Variants in SLC37A3 observed in about 807,000 individuals in gnomAD.
SLC37A3 encodes sugar phosphate exchanger 3.
In SLC37A3, 51 loss-of-function variants were observed where a neutral mutation model predicts 67.1. That is an observed-to-expected ratio of 0.76 (90% CI 0.61 to 0.96). SLC37A3 has a LOEUF of 0.96. Ranked by LOEUF, SLC37A3 falls within the 40% of genes least tolerant of loss-of-function variation. The pLI, the probability that SLC37A3 is intolerant of heterozygous loss-of-function variation, is 0.00. For missense variants in SLC37A3, 508 were observed against 603.0 expected, an observed-to-expected ratio of 0.84 and a Z score of 1.65; for synonymous variants, 214 against 231.4, an observed-to-expected ratio of 0.92 and a Z score of 0.68.
In SLC37A3 at chr7:140,343,544, A is replaced by G; in HGVS notation, c.1194T>C (p.Pro398=). ...MTVTGFFIGG[P]SNMISSAISA... is the part of the protein sequence containing the mutation. ...AAATAGCAGAACTAATCATATTAGAAGGTCCACCAATAAAAAATCCTGAAG... is the reference window on the plus strand; with the variant it reads ...AAATAGCAGAACTAATCATATTAGAGGGTCCACCAATAAAAAATCCTGAAG... The change falls in exon 13 of 15, where the codon CCT becomes CCC. Residue 398 remains proline (P), a synonymous_variant. Coordinates refer to ENST00000326232, the MANE Select transcript of SLC37A3 (RefSeq NM_207113.3). 3 of 1,614,198 alleles carry G rather than the reference A, an allele frequency of 1.9e-6. No homozygotes were observed. Among genetic ancestry groups the G allele is most frequent in the Non-Finnish European group, 2.5e-6 (3 of 1,180,036 alleles).
chr7:140,335,367 G>A lies in SLC37A3; in HGVS notation c.*45C>T. The A allele has an allele frequency of 6.2e-7, 1 of 1,614,100 alleles. No individual in the cohort carries two copies. The highest frequency in any genetic ancestry group is 8.5e-7 in the Non-Finnish European group (1 of 1,180,036). ...TTAGGGCAGACTCGAAGCCCCAGCG[G>A]TCCTGATGTGGCTGACATTGTTCTT... On this transcript the variant is annotated 3_prime_UTR_variant, in exon 15 of 15. Coordinates refer to ENST00000326232, the MANE Select transcript of SLC37A3 (RefSeq NM_207113.3).
chr7:140,389,792 C>T (rs951138911), intron 1 of SLC37A3, among the ~76,000 whole-genome samples: 1 of 152,200 alleles, frequency 6.6e-6, no homozygotes, highest in African/African-American at 2.4e-5. Flanking sequence ...ATTATTATTT[C>T]TAATTTCACT....
At chr7:140,371,694 G>A (rs1413031831) in intron 3 of SLC37A3, among the ~76,000 whole-genome samples, 2 of 152,074 alleles carry the variant, frequency 1.3e-5, no homozygotes, top group African/African-American at 4.8e-5. Flanking sequence ...TTTAAAGAAA[G>A]ATGAGCAGGA....
At chr7:140,354,489 A>T (rs532926038) in intron 7 of SLC37A3, among the ~76,000 whole-genome samples, 1 of 151,660 alleles carries the variant, frequency 6.6e-6, no homozygotes, top group Non-Finnish European at 1.5e-5. Context: ...GCTAAGTTCC[A>T]TAAGAACAGA....
intron 3 of SLC37A3, among the ~76,000 whole-genome samples, chr7:140,378,907 C>A (rs930197847): frequency 1.5e-4 from 22 of 151,236 alleles, no homozygotes; most frequent in Non-Finnish European, 2.7e-4. Flanking sequence ...ATTAGCCAGG[C>A]TTGGTGGTGC....
At chr7:140,380,900 T>C (rs73163221) in intron 2 of SLC37A3, among the ~76,000 whole-genome samples, 11 of 66,732 alleles carry the variant, frequency 1.6e-4, no homozygotes, top group East Asian at 1.1e-3. Flanking sequence ...TCTTCTTCTT[T>C]TTTTTTTTTT....
chr7:140,351,627 A>C (rs1796806008), intron 8 of SLC37A3, 176 bp from the exon 9 acceptor site: 1 of 615,670 alleles, frequency 1.6e-6, no homozygotes, highest in Non-Finnish European at 2.8e-6. Flanking sequence ...CTATCTAAAA[A>C]TACTCAAAAG....
chr7:140,367,068 G>T (rs942189701), intron 4 of SLC37A3, among the ~76,000 whole-genome samples: 12 of 152,024 alleles, frequency 7.9e-5, no homozygotes, highest in African/African-American at 2.9e-4. Context: ...AACCCAGGGG[G>T]CAGAGGTTGC....
intron 13 of SLC37A3, among the ~76,000 whole-genome samples, chr7:140,342,923 C>T (rs1396528466): frequency 6.6e-6 from 1 of 152,156 alleles, no homozygotes; most frequent in Non-Finnish European, 1.5e-5. Context: ...TTTGGATACA[C>T]AGGAAGCAGA....
intron 13 of SLC37A3, 94 bp from the exon 14 acceptor site, chr7:140,337,443 A>C (rs1563002918): frequency 9.9e-7 from 1 of 1,009,854 alleles, no homozygotes; most frequent in East Asian, 2.8e-5. Context: ...ATTTTAGAAA[A>C]TAAGAAGGGA....
chr7:140,366,980 C>A (rs1280750213), intron 4 of SLC37A3, among the ~76,000 whole-genome samples: 1 of 151,304 alleles, frequency 6.6e-6, no homozygotes, highest in Non-Finnish European at 1.5e-5. Flanking sequence ...ACTAAAAATA[C>A]AAAAAAAATT....
intron 6 of SLC37A3, 46 bp from the exon 7 acceptor site, chr7:140,355,810 A>G: frequency 6.5e-7 from 1 of 1,532,582 alleles, no homozygotes; most frequent in East Asian, 2.2e-5. Flanking sequence ...GTCAGAAGAG[A>G]TACTCTGGGC....
intron 12 of SLC37A3, chr7:140,343,785 C>T: frequency 6.0e-6 from 3 of 500,930 alleles, no homozygotes; most frequent in Non-Finnish European, 1.1e-5. Context: ...TTTTGTAGAA[C>T]CCAAAGATAC....
intron 14 of SLC37A3, among the ~76,000 whole-genome samples, 163 bp downstream of exon 14, chr7:140,337,121 A>G (rs1240802110): frequency 8.3e-6 from 1 of 120,616 alleles, no homozygotes; most frequent in Admixed American, 8.1e-5. Flanking sequence ...AAAAAAAAAG[A>G]AGAAGAAGAA....
Position 140,351,536 on chromosome 7 carries a change from T to A in SLC37A3, c.704-85A>T, listed in dbSNP as rs1428347954. ...ATACATCCCTACTTATGAGGTGATG[T>A]TATTTTTATTTCCATTTTACAGAAG... On this transcript the variant is annotated intron_variant, in intron 8 of 14. Transcript: ENST00000326232. 6.6e-6 allele frequency: 9 copies of A among 1,362,204 alleles called. No homozygotes were observed. In the East Asian group the frequency reaches 2.1e-4, roughly 32 times the overall value. The allele number at this position is 1,362,204 out of a possible 1,614,324, so 84.4% of individuals were successfully genotyped here.
intron 13 of SLC37A3, among the ~76,000 whole-genome samples, chr7:140,342,432 C>T (rs780411906): frequency 2.0e-5 from 3 of 152,208 alleles, no homozygotes; most frequent in Admixed American, 6.5e-5. Flanking sequence ...CTACAGGTTA[C>T]TCTGCTGCCT....
chr7:140,355,965 C>T (rs1045220198), intron 6 of SLC37A3, among the ~76,000 whole-genome samples: 5 of 152,076 alleles, frequency 3.3e-5, no homozygotes, highest in Non-Finnish European at 7.4e-5. Flanking sequence ...GAGGCCAAGG[C>T]GGACAGATCA....
At chr7:140,356,571 T>A (rs1165040606) in intron 6 of SLC37A3, among the ~76,000 whole-genome samples, 1 of 152,004 alleles carries the variant, frequency 6.6e-6, no homozygotes, top group Non-Finnish European at 1.5e-5. Flanking sequence ...TAATCCCAGC[T>A]ACTTGGGAGG....
rs753760296 is a variant in SLC37A3 at position 140,348,611 on chromosome 7, GTATCACCGGCATACC to G, written c.1024_1024+14del. 1 of 1,592,146 alleles carries G rather than the reference GTATCACCGGCATACC, an allele frequency of 6.3e-7. No individual in the cohort carries two copies. Among genetic ancestry groups the G allele is most frequent in the South Asian group, 1.1e-5 (1 of 87,766 alleles). The stretch of plus-strand genomic sequence containing the variant: ...ACTAACTCTTTATTATGGAAAAGAT[GTATCACCGGCATACC>G]TATGATCCCTCCAACGTCGTACCAA... On this transcript the variant is annotated splice_donor_variant and splice_donor_5th_base_variant and coding_sequence_variant and intron_variant, in exon 10 of 15. Transcript: ENST00000326232. LOFTEE classifies it high-confidence loss of function.
Sources: gnomAD v4.1 joint callset for allele counts (sites outside exome capture counted in the v4.1 genomes callset) on GRCh38, gnomAD v4.1.1 for gene constraint, MANE v1.5 for transcripts, NCBI Gene and HGNC (gene_info 2026-07-23, HGNC 2026-07-21) for gene names.